Variants in HSD17B12 observed in about 807,000 individuals in gnomAD.
HSD17B12 encodes the protein hydroxysteroid 17-beta dehydrogenase 12, also known as very-long-chain 3-oxoacyl-CoA reductase.
Under a neutral mutation model 39.3 loss-of-function variants are expected in HSD17B12, and 32 were observed. The observed-to-expected ratio is 0.81, with a 90% CI of 0.61 to 1.09. The LOEUF (loss-of-function observed/expected upper bound fraction) is 1.09. Among genes scored for constraint, HSD17B12 ranks in the 50% least tolerant of loss-of-function variants. The pLI is 0.00. For synonymous variants in HSD17B12, 150 were observed against 146.7 expected (o/e 1.02, Z -0.16); for missense variants, 342 against 382.9 (o/e 0.89, Z 0.89).
intron 1 of HSD17B12, among the ~76,000 whole-genome samples, chr11:43,711,269 G>A (rs1950062714): frequency 6.6e-6 from 1 of 152,064 alleles, no homozygotes; most frequent in Admixed American, 6.6e-5. Flanking sequence ...ATAAATCTTA[G>A]TACTGGATTA....
chr11:43,820,126 G>A (rs1590326975), intron 6 of HSD17B12, among the ~76,000 whole-genome samples: 2 of 152,262 alleles, frequency 1.3e-5, no homozygotes, highest in South Asian at 2.1e-4. Flanking sequence ...GGTGAGTGAT[G>A]TGCAGTGGCT....
chr11:43,613,865 C>T, the HSD17B12 span, among the ~76,000 whole-genome samples: 1 of 152,240 alleles, frequency 6.6e-6, no homozygotes, highest in East Asian at 1.9e-4. Context: ...CGGAGTTTCA[C>T]CATGTTGGTC....
chr11:43,855,330 T>G lies in HSD17B12; in HGVS notation c.*82T>G. ...CAAAGCACCCTACTGGTTTTGAAAA[T>G]CTGACCTTGTCATTTCAATAGTTAT... On this transcript the variant is annotated 3_prime_UTR_variant, in exon 11 of 11. Transcript: ENST00000278353. 1 of 704,604 alleles carries G rather than the reference T, an allele frequency of 1.4e-6. No individual in the cohort carries two copies. Among genetic ancestry groups the G allele is most frequent in the Non-Finnish European group, 2.3e-6 (1 of 429,834 alleles). 43.6% of individuals were successfully genotyped at this position (704,604 alleles called of 1,614,324 possible).
the HSD17B12 span, among the ~76,000 whole-genome samples, chr11:43,606,781 G>T: frequency 6.6e-6 from 1 of 152,162 alleles, no homozygotes. Flanking sequence ...AGTCTAACTG[G>T]GATCAATAGA....
At chr11:43,657,977 A>T in the HSD17B12 span, among the ~76,000 whole-genome samples, 9 of 152,288 alleles carry the variant, frequency 5.9e-5, no homozygotes, top group South Asian at 4.1e-4. Context: ...CCTGGATAAT[A>T]TCCTGCAGAG....
At chr11:43,772,883 G>A (rs887854557) in intron 3 of HSD17B12, among the ~76,000 whole-genome samples, 2 of 152,188 alleles carry the variant, frequency 1.3e-5, no homozygotes, top group African/African-American at 4.8e-5. Context: ...GGCCGAGGTA[G>A]GTAGATCGCT....
intron 3 of HSD17B12, among the ~76,000 whole-genome samples, chr11:43,758,202 TGTTGTGG>T (rs1300580758): frequency 6.6e-6 from 1 of 152,174 alleles, no homozygotes; most frequent in Admixed American, 6.5e-5. Context: ...TATTGTTTTC[TGTTGTGG>T]GTGTCAGTGA....
At chr11:43,824,375 T>A (rs1052177209) in intron 6 of HSD17B12, among the ~76,000 whole-genome samples, 1 of 152,252 alleles carries the variant, frequency 6.6e-6, no homozygotes, top group Non-Finnish European at 1.5e-5. Context: ...TCTGTCTTAG[T>A]CCCTCTGGGC....
the HSD17B12 span, among the ~76,000 whole-genome samples, chr11:43,643,935 A>G: frequency 2.7e-4 from 41 of 152,352 alleles, 1 homozygote; most frequent in East Asian, 7.7e-3. Flanking sequence ...AGCATTTGAC[A>G]CTATGAGGAG....
intron 1 of HSD17B12, among the ~76,000 whole-genome samples, chr11:43,719,939 T>C (rs964393688): frequency 6.6e-6 from 1 of 152,220 alleles, no homozygotes; most frequent in African/African-American, 2.4e-5. Context: ...TTTCTATGAA[T>C]GTTATTAGGG....
chr11:43,647,245 G>T, the HSD17B12 span, among the ~76,000 whole-genome samples: 2 of 151,940 alleles, frequency 1.3e-5, no homozygotes, highest in African/African-American at 4.8e-5. Context: ...TTGTTTTCCC[G>T]CATATAACTA....
intron 9 of HSD17B12, among the ~76,000 whole-genome samples, chr11:43,849,593 T>G (rs1231284158): frequency 6.6e-6 from 1 of 152,176 alleles, no homozygotes; most frequent in East Asian, 1.9e-4. Context: ...ATCTCTTTGT[T>G]CAGATCTTTG....
At chr11:43,678,502 C>T (rs891105414), upstream of HSD17B12, among the ~76,000 whole-genome samples, 2 of 152,160 alleles carry the variant, frequency 1.3e-5, no homozygotes, top group Non-Finnish European at 2.9e-5. Flanking sequence ...ACATGAAGTC[C>T]TTGCCCATGC....
At chr11:43,853,956 T>C (rs1180387744) in intron 9 of HSD17B12, 1 of 152,184 alleles carries the variant, frequency 6.6e-6, no homozygotes, top group Non-Finnish European at 1.5e-5. Context: ...AGGGTTTCCT[T>C]ATACTCTGTG....
intron 4 of HSD17B12, among the ~76,000 whole-genome samples, chr11:43,800,455 A>G (rs1950955663): frequency 6.6e-6 from 1 of 152,190 alleles, no homozygotes; most frequent in African/African-American, 2.4e-5. Context: ...CTCTGGGACT[A>G]TGGCATTGGC....
intron 1 of HSD17B12, 122 bp downstream of exon 1, chr11:43,681,109 C>T (rs1363847098): frequency 2.9e-6 from 4 of 1,367,006 alleles, no homozygotes; most frequent in Non-Finnish European, 3.8e-6. Flanking sequence ...CTTTCTCAGG[C>T]TCCTGTGCCC....
chr11:43,729,208 T>G (rs1950247296), intron 1 of HSD17B12, among the ~76,000 whole-genome samples: 1 of 152,180 alleles, frequency 6.6e-6, no homozygotes, highest in Non-Finnish European at 1.5e-5. Context: ...TCAGATGTCC[T>G]TGCATCTTAG....
intron 3 of HSD17B12, among the ~76,000 whole-genome samples, chr11:43,790,641 G>A (rs1278446506): frequency 6.6e-6 from 1 of 152,200 alleles, no homozygotes; most frequent in African/African-American, 2.4e-5. Context: ...CACACTGAGA[G>A]CAGGACAGTG....
chr11:43,731,092 G>C (rs1950262893), intron 1 of HSD17B12, among the ~76,000 whole-genome samples: 1 of 152,036 alleles, frequency 6.6e-6, no homozygotes, highest in Non-Finnish European at 1.5e-5. Flanking sequence ...TGCCTCCCGG[G>C]TTCAAGCGAT....
Sources: gnomAD v4.1 joint callset for allele counts (sites outside exome capture counted in the v4.1 genomes callset) on GRCh38, gnomAD v4.1.1 for gene constraint, MANE v1.5 for transcripts, NCBI Gene and HGNC (gene_info 2026-07-23, HGNC 2026-07-21) for gene names.